Variants in KDM3B observed in about 807,000 individuals in gnomAD.
KDM3B encodes the protein lysine-specific demethylase 3B.
A neutral mutation model predicts 170.0 loss-of-function variants in KDM3B; 10 were observed. The observed-to-expected ratio is 0.06, with a 90% CI of 0.04 to 0.10. The LOEUF (loss-of-function observed/expected upper bound fraction) is 0.10, where lower values mean the gene tolerates loss of function less well. KDM3B is among the 10% of genes least tolerant of loss of function. The pLI, the probability that KDM3B is intolerant of heterozygous loss-of-function variation, is 1.00. For synonymous variants in KDM3B, 831 were observed against 834.8 expected, an observed-to-expected ratio of 1.00 and a Z score of 0.08; for missense variants, 1,394 against 2,195.2, an observed-to-expected ratio of 0.64 and a Z score of 7.29.
At chr5:138,374,280 A>C (rs1050161265) in intron 2 of KDM3B, 1 of 440,620 alleles carries the variant, frequency 2.3e-6, no homozygotes, top group Non-Finnish European at 4.6e-6. Flanking sequence ...TGTTGTTGTT[A>C]AGATGGAGTT....
chr5:138,366,474 G>A (rs565916207), intron 1 of KDM3B, among the ~76,000 whole-genome samples: 151 of 152,194 alleles, frequency 9.9e-4, no homozygotes, highest in Admixed American at 2.1e-3. Flanking sequence ...GAGACTTATA[G>A]GTGCACACCA....
In KDM3B at chr5:138,429,868, C is replaced by T. The variant is rs1250000354; in HGVS notation, c.4796C>T (p.Thr1599Met). The change falls in exon 21 of 24, where the codon ACG becomes ATG. Residue 1599 changes from threonine (T) to methionine (M), a missense_variant. Physicochemically the swap from Thr to Met is moderately conservative, Grantham distance 81 (BLOSUM62 -1). This residue lies in a region of KDM3B where 79 missense variants were observed against 270.5 expected (regional missense o/e 0.29). Transcript: ENST00000314358. ...TIDEGDADEV[T>M]KQRIHDGKEK... The stretch of plus-strand genomic sequence containing the variant: ...GACGAGGGAGATGCCGATGAGGTGA[C>T]GAAGCAGAGGATTCATGATGGAAAA... 1 of 1,614,030 alleles carries T rather than the reference C, an allele frequency of 6.2e-7. No individual in the cohort carries two copies. Among genetic ancestry groups the T allele is most frequent in the African/African-American group, 1.3e-5 (1 of 74,920 alleles).
chr5:138,427,128 A>T, intron 18 of KDM3B, 61 bp from the exon 19 acceptor site: 1 of 1,606,570 alleles, frequency 6.2e-7, no homozygotes. Flanking sequence ...GAAAAGTGAA[A>T]TTTGTCTATT....
intron 7 of KDM3B, 140 bp from the exon 8 acceptor site, chr5:138,390,873 A>G (rs762909485): frequency 5.0e-5 from 37 of 739,322 alleles, no homozygotes; most frequent in Non-Finnish European, 7.6e-5. Context: ...CAGTTACAAG[A>G]GCAGATCCAT....
intron 12 of KDM3B, among the ~76,000 whole-genome samples, chr5:138,415,676 C>T (rs1298733534): frequency 5.9e-5 from 9 of 151,784 alleles, no homozygotes; most frequent in African/African-American, 1.7e-4. Flanking sequence ...TCTTGAACTC[C>T]TGGCCTCAAA....
At chr5:138,380,177 G>A (rs1199542565) in intron 5 of KDM3B, among the ~76,000 whole-genome samples, 3 of 151,868 alleles carry the variant, frequency 2.0e-5, no homozygotes, top group Non-Finnish European at 4.4e-5. Flanking sequence ...TTGTAGAGAA[G>A]GAGTCTTGCT....
chr5:138,418,613 T>C (rs1580944343), intron 13 of KDM3B, among the ~76,000 whole-genome samples: 1 of 152,234 alleles, frequency 6.6e-6, no homozygotes, highest in South Asian at 2.1e-4. Context: ...GTCAGAACTA[T>C]GCTAAGCCCT....
rs751700526 is a variant in KDM3B, at chr5:138,419,031, A to G, written c.3514A>G (p.Thr1172Ala). Residue 1172 changes from threonine (T) to alanine (A), a missense_variant, in exon 14 of 24, where the codon ACT (threonine) becomes GCT (alanine). By Grantham distance (58) the Thr-to-Ala change is moderately conservative. Coordinates refer to ENST00000314358, the MANE Select transcript of KDM3B (RefSeq NM_016604.4). ...SGGGGPAPVT[T>A]PEPDHVPKAD... The stretch of plus-strand genomic sequence containing the variant: ...TGGAGGAGGACCGGCACCAGTAACA[A>G]CTCCAGAGCCGGACCATGTTCCCAA... The G allele has an allele frequency of 4.3e-6, 7 of 1,613,990 alleles. No individual in the cohort carries two copies. The highest frequency in any genetic ancestry group is 1.3e-5 in the African/African-American group (1 of 74,970).
chr5:138,374,450 G>C, intron 2 of KDM3B: 1 of 283,344 alleles, frequency 3.5e-6, no homozygotes, highest in Non-Finnish European at 7.2e-6. Context: ...AGTAGAGACA[G>C]GGTTTCACTG....
intron 3 of KDM3B, among the ~76,000 whole-genome samples, chr5:138,375,632 C>A (rs1036988900): frequency 6.6e-6 from 1 of 152,126 alleles, no homozygotes; most frequent in Admixed American, 6.5e-5. Flanking sequence ...CCCGCCTCGG[C>A]CTCCCAAAGT....
At chr5:138,396,130 TTGC>T (rs1423970870) in intron 9 of KDM3B, among the ~76,000 whole-genome samples, 2 of 150,354 alleles carry the variant, frequency 1.3e-5, no homozygotes, top group East Asian at 4.0e-4. Flanking sequence ...AGATGGAGTC[TTGC>T]TGCCCAGGCT....
At position 138,409,201 on chromosome 5, in the gene KDM3B, GA is replaced by G. The variant is rs958209889; in HGVS notation, c.3200-5926del. Among the ~76,000 whole-genome samples the G allele has an allele frequency of 1.6e-3, 243 of 152,078 alleles. 1 individual carries two copies. The highest frequency in any genetic ancestry group is 5.7e-3 in the African/African-American group (235 of 41,494). On this transcript the variant is annotated intron_variant, in intron 11 of 23. Transcript: ENST00000314358. ...GTGGTCAGTATGAAGAAATAAAAGG[GA>G]AAAAGGGGAAAAGGAAAACAAAAGA...
At chr5:138,411,465 C>T (rs1762967376) in intron 11 of KDM3B, among the ~76,000 whole-genome samples, 1 of 152,092 alleles carries the variant, frequency 6.6e-6, no homozygotes. Flanking sequence ...TGGAACAGCT[C>T]GTGTCCTTGG....
chr5:138,355,978 C>T (rs1222832772), intron 1 of KDM3B, among the ~76,000 whole-genome samples: 2 of 152,232 alleles, frequency 1.3e-5, no homozygotes, highest in Non-Finnish European at 2.9e-5. Context: ...TGGTGTCCTA[C>T]TGCACAATAT....
At chr5:138,389,072 C>G (rs1460648776) in intron 7 of KDM3B, among the ~76,000 whole-genome samples, 2 of 152,216 alleles carry the variant, frequency 1.3e-5, no homozygotes, top group Non-Finnish European at 2.9e-5. Context: ...CATGCTAGTT[C>G]CTTGCAGTCA....
chr5:138,384,430 T>C (rs1295270207), intron 6 of KDM3B, among the ~76,000 whole-genome samples: 15 of 151,656 alleles, frequency 9.9e-5, no homozygotes, highest in Non-Finnish European at 1.9e-4. Context: ...CGAAACCTCA[T>C]CTCTACTAAA....
intron 1 of KDM3B, among the ~76,000 whole-genome samples, chr5:138,366,066 C>T (rs1761738585): frequency 6.6e-6 from 1 of 152,130 alleles, no homozygotes; most frequent in East Asian, 1.9e-4. Flanking sequence ...ACTGTTCACT[C>T]TCTCATCCCA....
rs1762454453 is a variant in KDM3B, at chr5:138,392,272, TG to T, written c.2629+15del. The T allele has an allele frequency of 2.0e-6, 3 of 1,478,846 alleles. No individual in the cohort carries two copies. The highest frequency in any genetic ancestry group is 1.8e-6 in the Non-Finnish European group (2 of 1,112,360). The allele number at this position is 1,478,846 out of a possible 1,614,324, so 91.6% of individuals were successfully genotyped here. A position where few individuals can be genotyped will look rare whatever the true frequency, so the allele number is the denominator to read the frequency against. On this transcript the variant is annotated intron_variant, in intron 8 of 23. Transcript: ENST00000314358. ...CTGCCCCCCTGAAAGGTGATCCTGC[TG>T]GGGCTATATTTGGGCTTTGCTCTGG...
intron 1 of KDM3B, among the ~76,000 whole-genome samples, chr5:138,359,042 T>C (rs1191211796): frequency 6.7e-6 from 1 of 150,166 alleles, no homozygotes; most frequent in Non-Finnish European, 1.5e-5. Flanking sequence ...GAATATGCGG[T>C]GTTTGTTTTT....
Sources: allele counts gnomAD v4.1 joint callset (sites outside exome capture counted in the v4.1 genomes callset), GRCh38; gene constraint gnomAD v4.1.1; regional missense constraint gnomAD v4.1.1; transcripts MANE v1.5; gene names NCBI Gene and HGNC (gene_info 2026-07-23, HGNC 2026-07-21).